The following TRPC7 variants were observed in gnomAD, a reference collection of about 807,000 sequenced individuals.
TRPC7 encodes the protein transient receptor potential cation channel subfamily C member 7.
In TRPC7, 42 loss-of-function variants were observed where a neutral mutation model predicts 90.1. The ratio of observed to expected loss-of-function variants is 0.47; its 90% CI spans 0.36 to 0.60. The LOEUF (loss-of-function observed/expected upper bound fraction) is 0.60. Among genes scored for constraint, TRPC7 ranks in the 20% least tolerant of loss-of-function variants. The pLI is 0.00. For missense variants in TRPC7, 955 were observed against 1,112.3 expected (o/e 0.86, Z 2.01); for synonymous variants, 451 against 436.3 (o/e 1.03, Z -0.42).
chr5:136,225,402 T>A (rs769456783), intron 9 of TRPC7, 48 bp from the exon 10 acceptor site: 7 of 1,560,068 alleles, frequency 4.5e-6, no homozygotes, highest in Non-Finnish European at 6.1e-6. Flanking sequence ...AAAACATACA[T>A]GCATCCCTAC....
At chr5:136,291,554 C>T (rs972750729) in intron 3 of TRPC7, among the ~76,000 whole-genome samples, 24 of 152,266 alleles carry the variant, frequency 1.6e-4, no homozygotes, top group Middle Eastern at 3.4e-3. Flanking sequence ...AAGGCCATTA[C>T]GTAACGGTAA....
In TRPC7 at chr5:136,284,167, CTGAT is replaced by C. The variant is rs562355235; in HGVS notation, c.964-9334_964-9331del. Among the ~76,000 whole-genome samples, 769 of 152,328 alleles carry C rather than the reference CTGAT, an allele frequency of 5.0e-3. 4 individuals carry two copies. The highest frequency in any genetic ancestry group is 0.018 in the African/African-American group (732 of 41,568). ...CATGTTTTGGTCATACAGGAGACCTCTGATTGCCTATTCTCAGATGTCAGATGAG... is the reference window on the plus strand; with the variant it reads ...CATGTTTTGGTCATACAGGAGACCTCTGCCTATTCTCAGATGTCAGATGAG... On this transcript the variant is annotated intron_variant, in intron 3 of 11. Coordinates refer to ENST00000513104, the MANE Select transcript of TRPC7 (RefSeq NM_020389.3).
intron 3 of TRPC7, among the ~76,000 whole-genome samples, chr5:136,286,081 C>T (rs1757705157): frequency 6.6e-6 from 1 of 152,148 alleles, no homozygotes; most frequent in African/African-American, 2.4e-5. Flanking sequence ...GGAACAGTGT[C>T]CAGTACATAG....
chr5:136,284,961 A>G (rs1757663281), intron 3 of TRPC7, among the ~76,000 whole-genome samples: 1 of 152,202 alleles, frequency 6.6e-6, no homozygotes, highest in Non-Finnish European at 1.5e-5. Flanking sequence ...TTTCATATGT[A>G]AAGCAGAGAT....
At chr5:136,283,784 A>T (rs1499770) in intron 3 of TRPC7, among the ~76,000 whole-genome samples, 18,345 of 152,178 alleles carry the variant, frequency 0.12, 1,153 homozygotes, top group African/African-American at 0.14. Context: ...TTCATTTCCC[A>T]GCATCAACCT....
At chr5:136,359,124 A>T (rs1760480684) in intron 1 of TRPC7, among the ~76,000 whole-genome samples, 1 of 152,210 alleles carries the variant, frequency 6.6e-6, no homozygotes, top group Non-Finnish European at 1.5e-5. Context: ...GTGAATGTTT[A>T]AATTGGGGAC....
At chr5:136,251,593 C>T in intron 6 of TRPC7, 56 bp downstream of exon 6, 1 of 1,378,590 alleles carries the variant, frequency 7.3e-7, no homozygotes, top group East Asian at 2.5e-5. Flanking sequence ...AGTGAAGCAC[C>T]AGGCCCACGT....
chr5:136,329,237 G>C (rs1759427835), intron 2 of TRPC7, among the ~76,000 whole-genome samples: 1 of 152,130 alleles, frequency 6.6e-6, no homozygotes, highest in Non-Finnish European at 1.5e-5. Flanking sequence ...TGTCTTTCAA[G>C]GAAACGACTC....
At chr5:136,215,971 G>A (rs1227342579) in intron 11 of TRPC7, among the ~76,000 whole-genome samples, 1 of 152,194 alleles carries the variant, frequency 6.6e-6, no homozygotes, top group African/African-American at 2.4e-5. Flanking sequence ...CACAGACCAA[G>A]TGCTGGAGCT....
At chr5:136,277,884 T>G (rs1417322481) in intron 3 of TRPC7, among the ~76,000 whole-genome samples, 1 of 152,224 alleles carries the variant, frequency 6.6e-6, no homozygotes, top group African/African-American at 2.4e-5. Context: ...AGGGAAGAAC[T>G]GATGTGACTG....
At chr5:136,268,630 T>C (rs1757112838) in intron 4 of TRPC7, among the ~76,000 whole-genome samples, 2 of 152,186 alleles carry the variant, frequency 1.3e-5, no homozygotes, top group African/African-American at 4.8e-5. Context: ...GAATTTAATA[T>C]TCGTTTTGTT....
chr5:136,226,494 T>G, intron 8 of TRPC7: 1 of 538,664 alleles, frequency 1.9e-6, no homozygotes, highest in Admixed American at 3.5e-5. Flanking sequence ...GACCAGTTCA[T>G]ATTAACCGCC....
intron 6 of TRPC7, among the ~76,000 whole-genome samples, chr5:136,251,137 C>T (rs1210558489): frequency 6.6e-6 from 1 of 152,190 alleles, no homozygotes; most frequent in African/African-American, 2.4e-5. Flanking sequence ...TCTACTACAT[C>T]AAACTGTAAG....
intron 7 of TRPC7, among the ~76,000 whole-genome samples, chr5:136,240,542 G>A (rs1283572086): frequency 1.3e-5 from 2 of 152,216 alleles, no homozygotes; most frequent in African/African-American, 4.8e-5. Flanking sequence ...GAGATATGTA[G>A]AATCAGCAGG....
At chr5:136,326,049 T>A (rs2082876070) in intron 2 of TRPC7, among the ~76,000 whole-genome samples, 1 of 152,260 alleles carries the variant, frequency 6.6e-6, no homozygotes, top group East Asian at 1.9e-4. Flanking sequence ...ACAGACCAAA[T>A]CCTTCATGCA....
chr5:136,300,592 C>A (rs1455716380), intron 3 of TRPC7, among the ~76,000 whole-genome samples: 9 of 152,212 alleles, frequency 5.9e-5, no homozygotes, highest in Non-Finnish European at 5.9e-5. Context: ...AACTACCGGG[C>A]AACTACCAGG....
intron 3 of TRPC7, among the ~76,000 whole-genome samples, chr5:136,281,438 G>A (rs1757547586): frequency 1.3e-5 from 2 of 152,176 alleles, no homozygotes; most frequent in African/African-American, 2.4e-5. Context: ...TCACTTTGCT[G>A]AAGGACCTAA....
chr5:136,319,737 A>G (rs1460974017), intron 2 of TRPC7, among the ~76,000 whole-genome samples: 3 of 150,768 alleles, frequency 2.0e-5, no homozygotes, highest in Admixed American at 6.7e-5. Context: ...GTGCTTTAAC[A>G]TGGCTGATCA....
intron 9 of TRPC7, 146 bp downstream of exon 9, chr5:136,225,888 G>A: frequency 1.5e-6 from 1 of 662,820 alleles, no homozygotes; most frequent in Non-Finnish European, 2.6e-6. Flanking sequence ...ATGTGTCCAG[G>A]TAGACTCTAC....
Sources: allele counts gnomAD v4.1 joint callset (sites outside exome capture counted in the v4.1 genomes callset), GRCh38; gene constraint gnomAD v4.1.1; transcripts MANE v1.5; gene names NCBI Gene and HGNC (gene_info 2026-07-23, HGNC 2026-07-21).